Variants in EBP observed in about 807,000 individuals in gnomAD.
EBP encodes the protein 3-beta-hydroxysteroid-Delta(8),Delta(7)-isomerase.
Under a neutral mutation model 14.1 loss-of-function variants are expected in EBP, and 1 was observed. The observed-to-expected ratio is 0.07, with a 90% CI of 0.03 to 0.34. EBP has a LOEUF of 0.34. Among genes scored for constraint, EBP ranks in the 10% least tolerant of loss-of-function variants. EBP has a pLI of 0.99. For missense variants in EBP, 123 were observed against 184.6 expected (o/e 0.67, Z 1.93); for synonymous variants, 72 against 77.7 (o/e 0.93, Z 0.38).
intron 1 of EBP, among the ~76,000 whole-genome samples, chrX:48,523,447 G>A (rs374116537): frequency 4.6e-5 from 5 of 108,595 alleles, no homozygotes; most frequent in East Asian, 2.9e-4. Flanking sequence ...CCAGCTACTC[G>A]GGAGGCTGAG....
chrX:48,523,683 C>G lies in EBP; in HGVS notation c.-73-16C>G. On this transcript the variant is annotated splice_polypyrimidine_tract_variant and intron_variant, in intron 1 of 4. Transcript: ENST00000495186. ...TTTGATTTTATTATCTCATTCTGTACTTTCTATTTGTCCAGGTTTTTCTGT... is the reference window on the plus strand; with the variant it reads ...TTTGATTTTATTATCTCATTCTGTAGTTTCTATTTGTCCAGGTTTTTCTGT... 6 of 941,691 alleles carry G rather than the reference C, an allele frequency of 6.4e-6. No individual in the cohort carries two copies. Among genetic ancestry groups the G allele is most frequent in the Non-Finnish European group, 8.7e-6 (6 of 686,229 alleles). 77.6% of individuals were successfully genotyped at this position (941,691 alleles called of 1,213,427 possible). A position where few individuals can be genotyped will look rare whatever the true frequency, so the allele number is the denominator to read the frequency against.
chrX:48,527,070 G>A (rs957046558), intron 3 of EBP, 45 bp downstream of exon 3: 3 of 1,211,232 alleles, frequency 2.5e-6, no homozygotes, highest in East Asian at 3.0e-5. Flanking sequence ...TGGTTTTCGG[G>A]GGGTGGTGAG....
chrX:48,524,026 C>A lies in EBP; in HGVS notation c.255C>A (p.Leu85=). 3 of 1,211,563 alleles carry A rather than the reference C, an allele frequency of 2.5e-6. No homozygotes were observed. The highest frequency in any genetic ancestry group is 3.4e-6 in the Non-Finnish European group (3 of 895,507). ...IHLVIEGWFV[L]YYEDLLGDQA... ...TGGTGATCGAGGGCTGGTTCGTTCT[C>A]TACTACGAAGACCTGCTTGGAGACC... Residue 85 remains leucine (L), a synonymous_variant, in exon 2 of 5, where the codon CTC becomes CTA. Transcript: ENST00000495186.
In EBP at chrX:48,524,053, A is replaced by C. The variant is rs182712356; in HGVS notation, c.282A>C (p.Gln94His). Residue 94 changes from glutamine (Q) to histidine (H), a missense_variant, in exon 2 of 5, where the codon CAA becomes CAC. Physicochemically the swap from Gln to His is conservative, Grantham distance 24 (BLOSUM62 0). Coordinates refer to ENST00000495186, the MANE Select transcript of EBP (RefSeq NM_006579.3). ...VLYYEDLLGD[Q>H]AFLSQLWKEY... ...ACTACGAAGACCTGCTTGGAGACCA[A>C]GCCTTCTTATCTCAACTCTGTGAGT... is the stretch of plus-strand genomic sequence containing the variant. 2.0e-4 allele frequency: 238 copies of C among 1,209,640 alleles called. 2 individuals are homozygous for C. The East Asian group carries it at 5.9e-3, about 30-fold the overall frequency.
Position 48,528,625 on chromosome X carries a change from T to C in EBP, c.*168T>C, listed in dbSNP as rs1315722433. ...TAAAGGGGCTGTGTGAAGGCACTGC[T>C]GGGAGCCATTAGAACACAGATACAA... On this transcript the variant is annotated 3_prime_UTR_variant, in exon 5 of 5. Transcript: ENST00000495186. 4 of 490,449 alleles carry C rather than the reference T, an allele frequency of 8.2e-6. No individual in the cohort carries two copies. Among genetic ancestry groups the C allele is most frequent in the Non-Finnish European group, 1.4e-5 (4 of 283,053 alleles). The allele number at this position is 490,449 out of a possible 1,213,427, so 40.4% of individuals were successfully genotyped here. A position where few individuals can be genotyped will look rare whatever the true frequency, so the allele number is the denominator to read the frequency against.
rs1569479610 is a variant in EBP, at chrX:48,524,049, A to G, written c.278A>G (p.Asp93Gly). 2 of 1,210,999 alleles carry G rather than the reference A, an allele frequency of 1.7e-6. No homozygotes were observed. Among genetic ancestry groups the G allele is most frequent in the Non-Finnish European group, 2.2e-6 (2 of 895,061 alleles). Residue 93 changes from aspartate (D) to glycine (G), a missense_variant, in exon 2 of 5, where the codon GAC becomes GGC. By Grantham distance (94) the Asp-to-Gly change is moderately conservative. Coordinates refer to ENST00000495186, the MANE Select transcript of EBP (RefSeq NM_006579.3). ...FVLYYEDLLG[D>G]QAFLSQLWKE... ...CTCTACTACGAAGACCTGCTTGGAG[A>G]CCAAGCCTTCTTATCTCAACTCTGT...
Position 48,524,021 on chromosome X carries a change from G to A in EBP, c.250G>A (p.Val84Ile), listed in dbSNP as rs1335777232. The change falls in exon 2 of 5, where the codon GTT (valine) becomes ATT (isoleucine). Residue 84 changes from valine (V) to isoleucine (I), a missense_variant. Physicochemically the swap from Val to Ile is conservative, Grantham distance 29 (BLOSUM62 3). Coordinates refer to ENST00000495186, the MANE Select transcript of EBP (RefSeq NM_006579.3). ...TCACCTGGTGATCGAGGGCTGGTTC[G>A]TTCTCTACTACGAAGACCTGCTTGG... Reference protein sequence around the residue: ...FIHLVIEGWFVLYYEDLLGDQ... With the variant: ...FIHLVIEGWFILYYEDLLGDQ... The A allele has an allele frequency of 2.1e-5, 26 of 1,209,373 alleles. No individual in the cohort carries two copies. The highest frequency in any genetic ancestry group is 1.8e-4 in the East Asian group (6 of 33,773).
At chrX:48,527,865 C>T (rs1016320023) in intron 4 of EBP, among the ~76,000 whole-genome samples, 2 of 112,016 alleles carry the variant, frequency 1.8e-5, no homozygotes, top group Non-Finnish European at 1.9e-5. Flanking sequence ...CTTGGCCTCC[C>T]GAAGTACTGG....
intron 2 of EBP, among the ~76,000 whole-genome samples, chrX:48,526,043 C>T (rs1005765581): frequency 1.8e-4 from 17 of 94,977 alleles, no homozygotes; most frequent in African/African-American, 6.1e-4. Flanking sequence ...GCTGAGATTG[C>T]GCCACTGCAC....
At chrX:48,528,136 A>G in intron 4 of EBP, 98 bp from the exon 5 acceptor site, 1 of 681,702 alleles carries the variant, frequency 1.5e-6, no homozygotes, top group Non-Finnish European at 2.2e-6. Context: ...TAGCTCTGAG[A>G]CCTTGAATGA....
chrX:48,524,091 C>T lies in EBP; in HGVS notation c.301+19C>T. On this transcript the variant is annotated intron_variant, in intron 2 of 4. Transcript: ENST00000495186. ...CAACTCTGTGAGTCCTGATTTCTTT[C>T]ATATGCTGTGGGATGGGATTTGCTG... The T allele has an allele frequency of 8.3e-7, 1 of 1,203,829 alleles. No individual in the cohort carries two copies. Among genetic ancestry groups the T allele is most frequent in the Non-Finnish European group, 1.1e-6 (1 of 888,875 alleles).
chrX:48,527,336 G>T, intron 4 of EBP, 51 bp downstream of exon 4: 1 of 1,207,952 alleles, frequency 8.3e-7, no homozygotes, highest in Non-Finnish European at 1.1e-6. Context: ...GTTGATGGGG[G>T]ATCCACAGAC....
rs2061782137 is a variant in EBP at position 48,527,252 on chromosome X, C to T, written c.436C>T (p.Leu146Phe). 1.7e-6 allele frequency: 2 copies of T among 1,211,660 alleles called. No individual in the cohort carries two copies. The highest frequency in any genetic ancestry group is 2.3e-4 in the Middle Eastern group (1 of 4,267). ...VVIAFLRQHP[L>F]RFILQLVVSV... Reference sequence around the variant, plus strand: ...GATCGCCTTTCTCCGCCAGCATCCCCTCCGCTTCATTCTACAGCTTGTGGT... The same window carrying T: ...GATCGCCTTTCTCCGCCAGCATCCCTTCCGCTTCATTCTACAGCTTGTGGT... Residue 146 changes from leucine (L) to phenylalanine (F), a missense_variant, in exon 4 of 5, where the codon CTC (leucine) becomes TTC (phenylalanine). Leu to Phe is a conservative substitution (Grantham distance 22). Transcript: ENST00000495186.
At chrX:48,522,962 C>T (rs1436016268) in intron 1 of EBP, among the ~76,000 whole-genome samples, 1 of 109,450 alleles carries the variant, frequency 9.1e-6, no homozygotes, top group Non-Finnish European at 1.9e-5. Context: ...CGTGAGCCAC[C>T]GCGCCCGGCC....
At chrX:48,523,306 G>A (rs1481914976) in intron 1 of EBP, among the ~76,000 whole-genome samples, 1 of 111,228 alleles carries the variant, frequency 9.0e-6, no homozygotes, top group Non-Finnish European at 1.9e-5. Context: ...TGTAATCCCA[G>A]CACTTTGGGA....
At chrX:48,521,965 C>G (rs2061762389) in intron 1 of EBP, 58 bp downstream of exon 1, 1 of 109,985 alleles carries the variant, frequency 9.1e-6, no homozygotes, top group African/African-American at 3.3e-5. Context: ...GCTACGCGGC[C>G]AGCCCTCGGC....
At chrX:48,527,512 A>G in intron 4 of EBP, 1 of 507,454 alleles carries the variant, frequency 2.0e-6, no homozygotes, top group Non-Finnish European at 3.2e-6. Flanking sequence ...TCTCCATCAC[A>G]AAGTCTCCTG....
At chrX:48,528,189 C>T (rs1569479986) in intron 4 of EBP, 45 bp from the exon 5 acceptor site, 3 of 1,118,670 alleles carry the variant, frequency 2.7e-6, no homozygotes, top group Admixed American at 2.3e-5. Context: ...GCGAAAGTGT[C>T]CCCTTCCTCA....
chrX:48,526,107 A>G (rs1378983311), intron 2 of EBP, among the ~76,000 whole-genome samples: 1 of 107,983 alleles, frequency 9.3e-6, no homozygotes, highest in Non-Finnish European at 1.9e-5. Context: ...AAAAAAAAAA[A>G]AAAAAACATT....
Sources: gnomAD v4.1 joint callset for allele counts (sites outside exome capture counted in the v4.1 genomes callset) on GRCh38, gnomAD v4.1.1 for gene constraint, MANE v1.5 for transcripts, NCBI Gene and HGNC (gene_info 2026-07-23, HGNC 2026-07-21) for gene names.